Variants in MSRB3 observed in about 807,000 individuals in gnomAD.
The protein encoded by MSRB3 is methionine-R-sulfoxide reductase B3.
A neutral mutation model predicts 21.0 loss-of-function variants in MSRB3; 13 were observed. The ratio of observed to expected loss-of-function variants is 0.62; its 90% CI spans 0.40 to 0.98. The LOEUF (loss-of-function observed/expected upper bound fraction) is 0.98, where lower values mean the gene tolerates loss of function less well. Among genes scored for constraint, MSRB3 ranks in the 50% least tolerant of loss-of-function variants. MSRB3 has a pLI of 0.00. For synonymous variants in MSRB3, 87 were observed against 88.6 expected (o/e 0.98, Z 0.10); for missense variants, 199 against 230.3 (o/e 0.86, Z 0.88).
chr12:65,327,222 A>T (rs1875105306), intron 3 of MSRB3, among the ~76,000 whole-genome samples: 1 of 152,262 alleles, frequency 6.6e-6, no homozygotes, highest in Non-Finnish European at 1.5e-5. Context: ...ACAGCGATTT[A>T]GGTACATTTT....
intron 6 of MSRB3, among the ~76,000 whole-genome samples, chr12:65,456,809 G>A (rs1459495737): frequency 6.6e-6 from 1 of 152,216 alleles, no homozygotes; most frequent in Non-Finnish European, 1.5e-5. Context: ...TGAGGTTCCA[G>A]CACTAACGAA....
chr12:65,448,835 G>A (rs1169465599), intron 5 of MSRB3, among the ~76,000 whole-genome samples: 1 of 152,118 alleles, frequency 6.6e-6, no homozygotes, highest in Non-Finnish European at 1.5e-5. Context: ...GGTTTCCTGT[G>A]GGTATGGAAG....
chr12:65,398,052 A>G (rs1291609958), intron 5 of MSRB3, among the ~76,000 whole-genome samples: 1 of 152,244 alleles, frequency 6.6e-6, no homozygotes, highest in Non-Finnish European at 1.5e-5. Context: ...TATTGTGAAC[A>G]GTGCTGCAAT....
intron 4 of MSRB3, among the ~76,000 whole-genome samples, chr12:65,367,159 G>T (rs1390243636): frequency 6.6e-6 from 1 of 152,222 alleles, no homozygotes; most frequent in East Asian, 1.9e-4. Flanking sequence ...TTAGGAAAGG[G>T]AGATAGATGA....
At chr12:65,421,723 G>T (rs946247106) in intron 5 of MSRB3, among the ~76,000 whole-genome samples, 4 of 152,260 alleles carry the variant, frequency 2.6e-5, no homozygotes, top group South Asian at 4.1e-4. Context: ...AAGAGATCCT[G>T]AAAGGAGCAC....
intron 5 of MSRB3, among the ~76,000 whole-genome samples, chr12:65,380,863 A>G (rs1202179848): frequency 2.0e-5 from 3 of 152,190 alleles, no homozygotes; most frequent in African/African-American, 7.2e-5. Context: ...CTTAACCAAT[A>G]TGCAGTATAA....
chr12:65,434,311 G>A (rs1005501930), intron 5 of MSRB3, among the ~76,000 whole-genome samples: 16 of 151,788 alleles, frequency 1.1e-4, no homozygotes, highest in Admixed American at 6.6e-5. Flanking sequence ...GTCTCCTATA[G>A]GATTTGGCTG....
intron 1 of MSRB3, among the ~76,000 whole-genome samples, chr12:65,297,107 A>T (rs1026710068): frequency 1.3e-5 from 2 of 152,158 alleles, no homozygotes; most frequent in African/African-American, 4.8e-5. Context: ...TCCTCAGCAA[A>T]CTAATGCAGG....
chr12:65,383,168 G>C (rs1879033796), intron 5 of MSRB3, among the ~76,000 whole-genome samples: 1 of 152,090 alleles, frequency 6.6e-6, no homozygotes, highest in Admixed American at 6.5e-5. Flanking sequence ...AAATGAATGT[G>C]ATTTCATGAA....
chr12:65,395,645 TTC>T (rs1169846393), intron 5 of MSRB3, among the ~76,000 whole-genome samples: 1 of 152,188 alleles, frequency 6.6e-6, no homozygotes, highest in Non-Finnish European at 1.5e-5. Context: ...GGCTAGTGCT[TTC>T]TGTTTTGTAA....
rs1422847744 is a variant in MSRB3 at position 65,439,806 on chromosome 12, A to G, written c.293-13922A>G. 3.3e-5 allele frequency among the ~76,000 whole-genome samples: 5 copies of G among 151,778 alleles called. No homozygotes were observed. The East Asian group carries it at 7.7e-4, about 23-fold the overall frequency. On this transcript the variant is annotated intron_variant, in intron 5 of 6. Coordinates refer to ENST00000308259, the MANE Select transcript of MSRB3 (RefSeq NM_001031679.3). ...AGAAAACATCAAACGAGTAGAAAGA[A>G]TAAGTGAATCCAAAGATGGTTTTTT...
intron 5 of MSRB3, among the ~76,000 whole-genome samples, chr12:65,401,780 C>T (rs1453669530): frequency 2.6e-5 from 4 of 152,126 alleles, no homozygotes; most frequent in Non-Finnish European, 4.4e-5. Context: ...GTACTTCCTT[C>T]AGGAGCTCTT....
intron 5 of MSRB3, among the ~76,000 whole-genome samples, chr12:65,416,064 A>G (rs970905861): frequency 2.0e-5 from 3 of 152,212 alleles, no homozygotes; most frequent in South Asian, 2.1e-4. Context: ...AAGTGAGTCA[A>G]CAGTTACAGA....
At chr12:65,313,445 C>T (rs942322130) in intron 2 of MSRB3, among the ~76,000 whole-genome samples, 2 of 152,024 alleles carry the variant, frequency 1.3e-5, no homozygotes, top group Non-Finnish European at 2.9e-5. Context: ...ATATGGACAA[C>T]CTACATAGTG....
chr12:65,331,618 T>G (rs1309059823), intron 4 of MSRB3, among the ~76,000 whole-genome samples: 2 of 152,208 alleles, frequency 1.3e-5, no homozygotes, highest in Non-Finnish European at 2.9e-5. Flanking sequence ...TACCAAACCA[T>G]GTGAGCGGAG....
At position 65,374,883 on chromosome 12, in the gene MSRB3, T is replaced by A. The variant is rs767857402; in HGVS notation, c.292+5857T>A. 1.7e-3 allele frequency among the ~76,000 whole-genome samples: 261 copies of A among 152,312 alleles called. 1 individual carries two copies. The highest frequency in any genetic ancestry group is 1.6e-3 in the Non-Finnish European group (107 of 68,038). On this transcript the variant is annotated intron_variant, in intron 5 of 6. Coordinates refer to ENST00000308259, the MANE Select transcript of MSRB3 (RefSeq NM_001031679.3). ...TTTCTTTTTTGAGACGGAGTCTTGC[T>A]CTGTCGCCCAGGCTGGAGTGCAGTG... is the stretch of plus-strand genomic sequence containing the variant.
At chr12:65,304,345 G>T (rs1233206638) in intron 1 of MSRB3, among the ~76,000 whole-genome samples, 1 of 152,176 alleles carries the variant, frequency 6.6e-6, no homozygotes, top group Non-Finnish European at 1.5e-5. Flanking sequence ...GACAATTATG[G>T]AATCTAATTC....
intron 1 of MSRB3, among the ~76,000 whole-genome samples, chr12:65,301,858 A>G (rs995590423): frequency 2.6e-5 from 4 of 152,204 alleles, no homozygotes; most frequent in Admixed American, 2.6e-4. Flanking sequence ...AACGTATCAC[A>G]ACACATTGAT....
At chr12:65,321,962 T>C (rs1258068712) in intron 2 of MSRB3, among the ~76,000 whole-genome samples, 2 of 152,196 alleles carry the variant, frequency 1.3e-5, no homozygotes, top group Admixed American at 6.5e-5. Flanking sequence ...AAATATTTAA[T>C]AGTTTCGTTT....
Sources: allele counts gnomAD v4.1 joint callset (sites outside exome capture counted in the v4.1 genomes callset), GRCh38; gene constraint gnomAD v4.1.1; transcripts MANE v1.5; gene names NCBI Gene and HGNC (gene_info 2026-07-23, HGNC 2026-07-21).